The following NACC2 variants were observed in gnomAD, a reference collection of about 807,000 sequenced individuals.
NACC2 encodes NACC family member 2.
Under a neutral mutation model 25.1 loss-of-function variants are expected in NACC2, and 8 were observed. That is an observed-to-expected ratio of 0.32 (90% CI 0.19 to 0.57). The LOEUF is 0.57. NACC2 is among the 20% of genes least tolerant of loss of function. The probability of loss-of-function intolerance (pLI) is 0.89; values close to 1 mark genes in which losing one functional copy is unlikely to be tolerated. For missense variants in NACC2, 644 were observed against 650.2 expected, an observed-to-expected ratio of 0.99 and a Z score of 0.10; for synonymous variants, 435 against 294.7, an observed-to-expected ratio of 1.48 and a Z score of -4.88.
At chr9:136,035,361 T>G (rs1840535995) in intron 2 of NACC2, among the ~76,000 whole-genome samples, 1 of 151,518 alleles carries the variant, frequency 6.6e-6, no homozygotes, top group Admixed American at 6.6e-5. Context: ...TGCTGTGAAT[T>G]GCAGCTGAAA....
At chr9:136,029,237 A>G (rs917948492) in intron 2 of NACC2, among the ~76,000 whole-genome samples, 17 of 152,182 alleles carry the variant, frequency 1.1e-4, no homozygotes, top group Non-Finnish European at 2.1e-4. Context: ...CCCCAGACTC[A>G]GCCAGACAAC....
chr9:136,049,867 G>A lies in NACC2; in HGVS notation c.655C>T (p.Pro219Ser). 1 of 648,206 alleles carries A rather than the reference G, an allele frequency of 1.5e-6. No individual in the cohort carries two copies. Among genetic ancestry groups the A allele is most frequent in the East Asian group, 2.8e-5 (1 of 35,436 alleles). The allele number at this position is 648,206 out of a possible 1,614,324, so 40.2% of individuals were successfully genotyped here. Residue 219 changes from proline to serine, a missense_variant, in exon 2 of 6, where the codon CCC (proline) becomes TCC (serine). Transcript: ENST00000277554. ...GGCACCCCGTAGTAGGAGACACGGG[G>A]CAGTTTGAGAGGGGCTGTGCCCGCC... ...VAAGTAPLKL[P>S]RVSYYGVPSL...
intron 2 of NACC2, among the ~76,000 whole-genome samples, chr9:136,026,463 AAGGAGAGG>A (rs1380571006): frequency 6.6e-6 from 1 of 152,078 alleles, no homozygotes; most frequent in Non-Finnish European, 1.5e-5. Flanking sequence ...GGAGCCCCAG[AAGGAGAGG>A]AGGAGAGGAG....
chr9:136,011,852 G>T lies in NACC2; in HGVS notation c.1428C>A (p.Ser476Arg). ...GCGGGAACTCGGGGTCGAGGGGCAC[G>T]CTGGCGGCGGCGGAGCCCATGACCG... ...YRTVMGSAAA[S>R]VPLDPEFPPA... The change falls in exon 6 of 6, where the codon AGC becomes AGA. Residue 476 changes from serine (S) to arginine (R), a missense_variant. Ser to Arg is a moderately radical substitution (Grantham distance 110, BLOSUM62 -1). Coordinates refer to ENST00000277554, the MANE Select transcript of NACC2 (RefSeq NM_144653.5). 6.4e-7 allele frequency: 1 copy of T among 1,561,776 alleles called. No homozygotes were observed. The highest frequency in any genetic ancestry group is 8.6e-7 in the Non-Finnish European group (1 of 1,156,906).
intron 2 of NACC2, among the ~76,000 whole-genome samples, chr9:136,047,236 A>G (rs1840743946): frequency 6.6e-6 from 1 of 152,166 alleles, no homozygotes; most frequent in Non-Finnish European, 1.5e-5. Context: ...ACGGGGAGCT[A>G]GCACCCAGGG....
At position 136,013,172 on chromosome 9, in the gene NACC2, C is replaced by CCCCCCCCA; in HGVS notation, c.1255+26_1255+27insTGGGGGGG. ...GATCTGAACCCAGCCCCGGCCCCAC[C>CCCCCCCCA]CACCCGAGAGACCCCCAGGCTCTTA... On this transcript the variant is annotated intron_variant, in intron 5 of 5. Transcript: ENST00000277554. This position sits in a 1 kb window ranked among gnomAD's most constrained non-coding sequence, Gnocchi z 6.6. The CCCCCCCCA allele has an allele frequency of 8.0e-7, 1 of 1,254,136 alleles. No homozygotes were observed. The highest frequency in any genetic ancestry group is 1.2e-6 in the Non-Finnish European group (1 of 858,954). The allele number at this position is 1,254,136 out of a possible 1,614,324, so 77.7% of individuals were successfully genotyped here.
At chr9:136,066,419 C>T (rs145351080) in intron 1 of NACC2, among the ~76,000 whole-genome samples, 371 of 152,184 alleles carry the variant, frequency 2.4e-3, no homozygotes, top group African/African-American at 7.9e-3. Context: ...CATCATTAGC[C>T]GTCAGGGAAA....
Position 136,086,744 on chromosome 9 carries a change from G to A in NACC2, c.-60+8445C>T, listed in dbSNP as rs888008492. ...GCCCCGTTTCCCTCCCACGACCCCCGCTCAGCTTGGGCCTGGAGCTGGCCA... is the reference window on the plus strand; with the variant it reads ...GCCCCGTTTCCCTCCCACGACCCCCACTCAGCTTGGGCCTGGAGCTGGCCA... On this transcript the variant is annotated intron_variant, in intron 1 of 5. Coordinates refer to ENST00000277554, the MANE Select transcript of NACC2 (RefSeq NM_144653.5). This position sits in a 1 kb window ranked among gnomAD's most constrained non-coding sequence, Gnocchi z 5.6. 6.6e-6 allele frequency among the ~76,000 whole-genome samples: 1 copy of A among 152,024 alleles called. No homozygotes were observed. The highest frequency in any genetic ancestry group is 2.4e-5 in the African/African-American group (1 of 41,396).
At chr9:136,076,833 C>G (rs1830267601) in intron 1 of NACC2, among the ~76,000 whole-genome samples, 1 of 152,000 alleles carries the variant, frequency 6.6e-6, no homozygotes, top group Admixed American at 6.6e-5. Context: ...ACGGTGAAAC[C>G]CCTTCTCTAC....
In NACC2 at chr9:136,011,417, G is replaced by C; in HGVS notation, c.*99C>G. On this transcript the variant is annotated 3_prime_UTR_variant, in exon 6 of 6. Coordinates refer to ENST00000277554, the MANE Select transcript of NACC2 (RefSeq NM_144653.5). Reference sequence around the variant, plus strand: ...ATCACATTTTTCTCAGGCAACAGTAGCAGTTCAGTAGGTAAGTGGCTTGAT... The same window carrying C: ...ATCACATTTTTCTCAGGCAACAGTACCAGTTCAGTAGGTAAGTGGCTTGAT... 8.4e-7 allele frequency: 1 copy of C among 1,195,346 alleles called. No homozygotes were observed. Among genetic ancestry groups the C allele is most frequent in the Non-Finnish European group, 1.1e-6 (1 of 933,706 alleles). 74.0% of individuals were successfully genotyped at this position (1,195,346 alleles called of 1,614,324 possible). A position where few individuals can be genotyped will look rare whatever the true frequency, so the allele number is the denominator to read the frequency against.
chr9:136,060,712 C>A (rs192999372), intron 1 of NACC2, among the ~76,000 whole-genome samples: 5 of 152,372 alleles, frequency 3.3e-5, no homozygotes, highest in African/African-American at 1.2e-4. Flanking sequence ...AGGTGAAGAG[C>A]GTGAGAAACA....
rs1840790622 is a variant in NACC2, at chr9:136,049,887, C to A, written c.635G>T (p.Gly212Val). 1.7e-6 allele frequency: 1 copy of A among 595,956 alleles called. No individual in the cohort carries two copies. 36.9% of individuals were successfully genotyped at this position (595,956 alleles called of 1,614,324 possible). A position where few individuals can be genotyped will look rare whatever the true frequency, so the allele number is the denominator to read the frequency against. ...AVAAGAAVAA[G>V]TAPLKLPRVS... ...ACGGGGCAGTTTGAGAGGGGCTGTG[C>A]CCGCCGCCACCGCAGCCCCCGCGGC... The change falls in exon 2 of 6, where the codon GGC becomes GTC. Residue 212 changes from glycine to valine, a missense_variant. Transcript: ENST00000277554.
Position 136,073,006 on chromosome 9 carries a change from C to T in NACC2, c.-60+22183G>A, listed in dbSNP as rs1015427126. 2.3e-4 allele frequency among the ~76,000 whole-genome samples: 35 copies of T among 152,142 alleles called. 1 individual carries two copies. The highest frequency in any genetic ancestry group is 4.4e-5 in the Non-Finnish European group (3 of 68,032). On this transcript the variant is annotated intron_variant, in intron 1 of 5. Coordinates refer to ENST00000277554, the MANE Select transcript of NACC2 (RefSeq NM_144653.5). ...AAAAGAAAAAAACTGATAAACTGGA[C>T]TTTATCAAAATTTAAAAACTTTTGC...
intron 1 of NACC2, among the ~76,000 whole-genome samples, chr9:136,068,975 T>C (rs897425188): frequency 4.6e-5 from 7 of 151,270 alleles, no homozygotes; most frequent in Non-Finnish European, 1.0e-4. Context: ...TGGAGTTTAA[T>C]GGCACAATCT....
At chr9:136,062,459 C>CT (rs1157606195) in intron 1 of NACC2, among the ~76,000 whole-genome samples, 4 of 152,162 alleles carry the variant, frequency 2.6e-5, no homozygotes, top group Non-Finnish European at 5.9e-5. Flanking sequence ...AGTTTTAGAC[C>CT]TTGTCTAGCA....
Position 136,041,904 on chromosome 9 carries a change from G to C in NACC2, c.886+7732C>G, listed in dbSNP as rs1840638409. Among the ~76,000 whole-genome samples the C allele has an allele frequency of 2.6e-5, 4 of 152,094 alleles. No individual in the cohort carries two copies. The South Asian group carries it at 8.3e-4, about 31-fold the overall frequency. On this transcript the variant is annotated intron_variant, in intron 2 of 5. Coordinates refer to ENST00000277554, the MANE Select transcript of NACC2 (RefSeq NM_144653.5). ...TTAAGAGGTCAGTTCTTCTCAAACT[G>C]ATTTACAGAATCAGTGCAACATCGA...
intron 1 of NACC2, among the ~76,000 whole-genome samples, chr9:136,065,713 T>C (rs1841071147): frequency 1.3e-5 from 2 of 149,920 alleles, no homozygotes; most frequent in South Asian, 4.2e-4. Flanking sequence ...TGCTGAGGTG[T>C]GAGAATCACT....
At chr9:136,056,584 CTG>C (rs1291525024) in intron 1 of NACC2, among the ~76,000 whole-genome samples, 2 of 152,250 alleles carry the variant, frequency 1.3e-5, no homozygotes, top group Admixed American at 1.3e-4. Context: ...CCTAAGGACT[CTG>C]TGGCAGAGAG....
At chr9:136,073,743 T>G (rs1345162326) in intron 1 of NACC2, among the ~76,000 whole-genome samples, 1 of 152,186 alleles carries the variant, frequency 6.6e-6, no homozygotes, top group Non-Finnish European at 1.5e-5. Flanking sequence ...TTGGCACAAT[T>G]TGCTCAGTTT....
Sources: gnomAD v4.1 joint callset for allele counts (sites outside exome capture counted in the v4.1 genomes callset) on GRCh38, gnomAD v4.1.1 for gene constraint, Gnocchi (gnomAD v3.1) non-coding constraint, MANE v1.5 for transcripts, NCBI Gene and HGNC (gene_info 2026-07-23, HGNC 2026-07-21) for gene names.